Variants in PDZRN4 observed in about 807,000 individuals in gnomAD.
The protein encoded by PDZRN4 is PDZ domain-containing RING finger protein 4.
Under a neutral mutation model 99.0 loss-of-function variants are expected in PDZRN4, and 70 were observed. The observed-to-expected ratio is 0.71, with a 90% CI of 0.58 to 0.86. PDZRN4 has a LOEUF of 0.86. PDZRN4 is among the 40% of genes least tolerant of loss of function. PDZRN4 has a pLI of 0.00. For synonymous variants in PDZRN4, 551 were observed against 501.6 expected, an observed-to-expected ratio of 1.10 and a Z score of -1.32; for missense variants, 1,474 against 1,331.2, an observed-to-expected ratio of 1.11 and a Z score of -1.67.
At chr12:41,549,165 G>A (rs567168773) in intron 5 of PDZRN4, among the ~76,000 whole-genome samples, 66 of 152,264 alleles carry the variant, frequency 4.3e-4, no homozygotes, top group South Asian at 3.1e-3. Context: ...TGTCTCCATG[G>A]AGAAAATGTA....
chr12:41,307,673 G>A (rs1306253959), intron 3 of PDZRN4, among the ~76,000 whole-genome samples: 2 of 151,388 alleles, frequency 1.3e-5, no homozygotes, highest in African/African-American at 4.9e-5. Flanking sequence ...ACAAAATGTG[G>A]TATTTTTTTC....
chr12:41,528,495 C>G (rs1938608601), intron 5 of PDZRN4, among the ~76,000 whole-genome samples: 1 of 152,152 alleles, frequency 6.6e-6, no homozygotes, highest in South Asian at 2.1e-4. Context: ...AGAGCAACAG[C>G]AGGACTTAGG....
chr12:41,486,906 G>C (rs982739830), intron 3 of PDZRN4, among the ~76,000 whole-genome samples: 22 of 152,064 alleles, frequency 1.4e-4, no homozygotes, highest in Non-Finnish European at 1.5e-5. Context: ...TGCCATGGCT[G>C]CTTCTCTCCT....
rs1951123807 is a variant in PDZRN4, at chr12:41,244,802, A to AG, written c.843+50615dup. Reference sequence around the variant, plus strand: ...CGGGTTCACGCCATTCTCCTGCCTCAGCCTCCCGAGTAGCTGGGACTACAG... The same window carrying AG: ...CGGGTTCACGCCATTCTCCTGCCTCAGGCCTCCCGAGTAGCTGGGACTACAG... On this transcript the variant is annotated intron_variant, in intron 3 of 9. Coordinates refer to ENST00000402685, the MANE Select transcript of PDZRN4 (RefSeq NM_001164595.2). Among the ~76,000 whole-genome samples the AG allele has an allele frequency of 2.7e-5, 4 of 147,422 alleles. No homozygotes were observed. In the South Asian group the frequency reaches 8.7e-4, roughly 32 times the overall value.
chr12:41,443,979 C>A (rs1349191233), intron 3 of PDZRN4, among the ~76,000 whole-genome samples: 1 of 151,930 alleles, frequency 6.6e-6, no homozygotes, highest in East Asian at 1.9e-4. Context: ...CACTGAGAAA[C>A]AGGCCAATAA....
At chr12:41,401,559 G>C (rs576981269) in intron 3 of PDZRN4, among the ~76,000 whole-genome samples, 1 of 151,884 alleles carries the variant, frequency 6.6e-6, no homozygotes, top group Non-Finnish European at 1.5e-5. Flanking sequence ...CTTTTTCACC[G>C]ATCCAGACTG....
At chr12:41,504,370 A>G (rs751233759) in intron 3 of PDZRN4, among the ~76,000 whole-genome samples, 1 of 152,170 alleles carries the variant, frequency 6.6e-6, no homozygotes, top group Non-Finnish European at 1.5e-5. Context: ...GCAGGAACAG[A>G]TCTTCACTAA....
At chr12:41,282,688 A>C (rs77244638) in intron 3 of PDZRN4, among the ~76,000 whole-genome samples, 2,347 of 152,268 alleles carry the variant, frequency 0.015, 23 homozygotes, top group Middle Eastern at 0.034. Context: ...GACCACGGTG[A>C]AATCAAACTA....
rs146402560 is a variant in PDZRN4, at chr12:41,306,767, C to A, written c.843+112579C>A. On this transcript the variant is annotated intron_variant, in intron 3 of 9. Transcript: ENST00000402685. The stretch of plus-strand genomic sequence containing the variant: ...GCCACTCCTTCAACACTTTCACTCC[C>A]AAGTTCTGCCTTCCACAAAACACTA... 4.9e-4 allele frequency among the ~76,000 whole-genome samples: 74 copies of A among 152,316 alleles called. No homozygotes were observed. The East Asian group carries it at 0.014, about 29-fold the overall frequency.
At chr12:41,455,743 G>C (rs1332866156) in intron 3 of PDZRN4, among the ~76,000 whole-genome samples, 1 of 152,124 alleles carries the variant, frequency 6.6e-6, no homozygotes, top group Non-Finnish European at 1.5e-5. Flanking sequence ...TGTTATGTCA[G>C]TATTTCATAA....
At chr12:41,365,905 C>T (rs755117415) in intron 3 of PDZRN4, among the ~76,000 whole-genome samples, 2 of 152,086 alleles carry the variant, frequency 1.3e-5, no homozygotes, top group African/African-American at 4.8e-5. Flanking sequence ...TTGCTCTCTG[C>T]CAGTTCAAGC....
At chr12:41,480,503 C>G (rs567796757) in intron 3 of PDZRN4, among the ~76,000 whole-genome samples, 1 of 152,222 alleles carries the variant, frequency 6.6e-6, no homozygotes, top group East Asian at 1.9e-4. Context: ...ATAAAGCTAA[C>G]AGTAGTGGGT....
intron 3 of PDZRN4, among the ~76,000 whole-genome samples, chr12:41,307,540 T>C (rs1003131106): frequency 2.6e-5 from 4 of 152,008 alleles, no homozygotes; most frequent in African/African-American, 9.7e-5. Flanking sequence ...AACATAGGCA[T>C]TTGAGAGGGC....
At chr12:41,248,961 A>T (rs1285577905) in intron 3 of PDZRN4, among the ~76,000 whole-genome samples, 1 of 152,186 alleles carries the variant, frequency 6.6e-6, no homozygotes, top group Non-Finnish European at 1.5e-5. Flanking sequence ...CATGGTTATT[A>T]TATGAACCAT....
rs972687991 is a variant in PDZRN4, at chr12:41,574,045, T to A, written c.*155T>A. ...GCAAAAAATACCTGGTAATTTTTCA[T>A]TTGTTTTTCATATACTGGTACCTTC... is the stretch of plus-strand genomic sequence containing the variant. On this transcript the variant is annotated 3_prime_UTR_variant, in exon 10 of 10. Transcript: ENST00000402685. The A allele has an allele frequency of 1.1e-4, 51 of 466,628 alleles. No homozygotes were observed. Among genetic ancestry groups the A allele is most frequent in the African/African-American group, 9.0e-4 (46 of 51,050 alleles). 28.9% of individuals were successfully genotyped at this position (466,628 alleles called of 1,614,324 possible).
chr12:41,410,755 G>C (rs903840639), intron 3 of PDZRN4, among the ~76,000 whole-genome samples: 1 of 152,152 alleles, frequency 6.6e-6, no homozygotes, highest in Non-Finnish European at 1.5e-5. Context: ...AAGGGCTGTT[G>C]TCAGGATGAA....
rs181746085 is a variant in PDZRN4 at position 41,310,069 on chromosome 12, A to T, written c.843+115881A>T. Among the ~76,000 whole-genome samples, 120 of 152,124 alleles carry T rather than the reference A, an allele frequency of 7.9e-4. 1 individual carries two copies. The highest frequency in any genetic ancestry group is 2.8e-3 in the African/African-American group (117 of 41,506). ...TGTCTCAGCCTCCTGAGTAACTAGG[A>T]CTACAGGTACATACCACCACACCTG... On this transcript the variant is annotated intron_variant, in intron 3 of 9. Coordinates refer to ENST00000402685, the MANE Select transcript of PDZRN4 (RefSeq NM_001164595.2).
chr12:41,564,261 C>G (rs1253310350), intron 8 of PDZRN4, among the ~76,000 whole-genome samples: 1 of 151,926 alleles, frequency 6.6e-6, no homozygotes, highest in Admixed American at 6.6e-5. Flanking sequence ...TTAGTGTGAC[C>G]AAAACAATTG....
intron 3 of PDZRN4, among the ~76,000 whole-genome samples, chr12:41,400,649 G>A (rs759278778): frequency 6.6e-6 from 1 of 152,084 alleles, no homozygotes; most frequent in Admixed American, 6.6e-5. Flanking sequence ...GTAGTCAGGG[G>A]AAGACAACTC....
Sources: gnomAD v4.1 joint callset for allele counts (sites outside exome capture counted in the v4.1 genomes callset) on GRCh38, gnomAD v4.1.1 for gene constraint, MANE v1.5 for transcripts, NCBI Gene and HGNC (gene_info 2026-07-23, HGNC 2026-07-21) for gene names.